SCFD2: variants seen among roughly 807,000 people sequenced by gnomAD.
SCFD2 encodes the protein sec1 family domain containing 2.
SCFD2 carries 54 observed loss-of-function variants against 58.9 expected under a neutral mutation model. The ratio of observed to expected loss-of-function variants is 0.92; its 90% CI spans 0.74 to 1.15. The LOEUF is 1.15. SCFD2 is among the 50% of genes most tolerant of loss of function. The pLI, the probability that SCFD2 is intolerant of heterozygous loss-of-function variation, is 0.00. For missense variants in SCFD2, 805 were observed against 836.6 expected, an observed-to-expected ratio of 0.96 and a Z score of 0.47; for synonymous variants, 321 against 335.9, an observed-to-expected ratio of 0.96 and a Z score of 0.49.
chr4:53,225,738 A>G (rs1042493692), intron 4 of SCFD2, among the ~76,000 whole-genome samples: 3 of 152,236 alleles, frequency 2.0e-5, no homozygotes, highest in African/African-American at 7.2e-5. Context: ...AATGAGGTAG[A>G]TAATTTCTAC....
chr4:53,255,478 A>T (rs1301926948), intron 4 of SCFD2, among the ~76,000 whole-genome samples: 3 of 152,098 alleles, frequency 2.0e-5, no homozygotes, highest in Admixed American at 2.0e-4. Context: ...CCCTTAATCC[A>T]TTTAACCCTG....
At chr4:53,290,412 A>C (rs144924154) in intron 3 of SCFD2, among the ~76,000 whole-genome samples, 1 of 152,306 alleles carries the variant, frequency 6.6e-6, no homozygotes, top group East Asian at 1.9e-4. Flanking sequence ...AAATTTAAAA[A>C]TATCTTGAGA....
At chr4:53,289,238 C>T (rs369467616) in intron 3 of SCFD2, among the ~76,000 whole-genome samples, 125 of 151,952 alleles carry the variant, frequency 8.2e-4, no homozygotes, top group East Asian at 3.3e-3. Context: ...TGGTGGCAGG[C>T]GCCTGTAATC....
At chr4:53,164,755 C>T (rs1332431915) in intron 4 of SCFD2, among the ~76,000 whole-genome samples, 1 of 133,456 alleles carries the variant, frequency 7.5e-6, no homozygotes, top group Admixed American at 8.9e-5. Flanking sequence ...CACGCCATTG[C>T]AGCCTGGGCG....
intron 5 of SCFD2, among the ~76,000 whole-genome samples, chr4:52,953,696 C>A (rs1230750202): frequency 6.6e-6 from 1 of 152,092 alleles, no homozygotes; most frequent in Non-Finnish European, 1.5e-5. Context: ...TGGTAAAATC[C>A]CAGGAGAATT....
chr4:53,238,299 G>GC (rs1179233526), intron 4 of SCFD2, among the ~76,000 whole-genome samples: 626 of 2,108 alleles, frequency 0.3, 15 homozygotes, highest in African/African-American at 0.35. Context: ...AGCTGGCCGG[G>GC]TGGGGGCTGA....
intron 5 of SCFD2, among the ~76,000 whole-genome samples, chr4:53,116,240 G>C (rs1252773701): frequency 1.0e-5 from 1 of 97,204 alleles, no homozygotes; most frequent in Admixed American, 9.4e-5. Flanking sequence ...ACCTCAGTCA[G>C]TTAGTAAAAC....
intron 6 of SCFD2, among the ~76,000 whole-genome samples, chr4:52,918,431 C>T (rs1337517541): frequency 1.3e-5 from 2 of 152,114 alleles, no homozygotes; most frequent in South Asian, 2.1e-4. Context: ...GTGAACAAAA[C>T]CCATAAAAAT....
intron 4 of SCFD2, among the ~76,000 whole-genome samples, chr4:53,263,121 G>GAACATTTTTCACTGAA (rs1291633346): frequency 8.4e-4 from 128 of 151,938 alleles, no homozygotes; most frequent in Admixed American, 2.6e-3. Context: ...TCTTATTTAT[G>GAACATTTTTCACTGAA]CTGTCTATTT....
At chr4:53,328,185 CATGT>C (rs1733276121) in intron 2 of SCFD2, among the ~76,000 whole-genome samples, 1 of 149,004 alleles carries the variant, frequency 6.7e-6, no homozygotes, top group South Asian at 2.2e-4. Context: ...TACATGTGCA[CATGT>C]ATGTGTGTGT....
At chr4:53,155,298 C>T (rs1726642376) in intron 4 of SCFD2, among the ~76,000 whole-genome samples, 1 of 152,096 alleles carries the variant, frequency 6.6e-6, no homozygotes, top group African/African-American at 2.4e-5. Context: ...ATAATTAGGC[C>T]ATAAGGGATC....
chr4:52,992,607 G>A (rs1395960516), intron 5 of SCFD2, among the ~76,000 whole-genome samples: 7 of 150,098 alleles, frequency 4.7e-5, no homozygotes, highest in Admixed American at 6.6e-5. Flanking sequence ...GCCGCCCATC[G>A]TCTGAGATGT....
chr4:53,286,380 AGTAGGTATAT>A (rs1463755281), intron 3 of SCFD2, among the ~76,000 whole-genome samples: 1 of 152,082 alleles, frequency 6.6e-6, no homozygotes, highest in African/African-American at 2.4e-5. Flanking sequence ...AGCCCAGCAG[AGTAGGTATAT>A]GTTCTAACCC....
chr4:53,216,664 TTA>T (rs1728849635), intron 4 of SCFD2, among the ~76,000 whole-genome samples: 1 of 152,226 alleles, frequency 6.6e-6, no homozygotes, highest in Non-Finnish European at 1.5e-5. Context: ...TGCTCTGATC[TTA>T]GTTATTTCTC....
intron 5 of SCFD2, among the ~76,000 whole-genome samples, chr4:53,057,611 A>G (rs1248062107): frequency 1.3e-5 from 2 of 152,124 alleles, no homozygotes; most frequent in Admixed American, 6.6e-5. Context: ...GCAAACCACC[A>G]TGGCACACAT....
At chr4:53,180,645 T>A (rs6824417) in intron 4 of SCFD2, among the ~76,000 whole-genome samples, 13,448 of 152,048 alleles carry the variant, frequency 0.088, 1,001 homozygotes, top group South Asian at 0.21. Context: ...GAGAAATAAC[T>A]AAGATCAGAG....
At chr4:52,994,029 T>C (rs1721685076) in intron 5 of SCFD2, among the ~76,000 whole-genome samples, 1 of 152,228 alleles carries the variant, frequency 6.6e-6, no homozygotes, top group Non-Finnish European at 1.5e-5. Context: ...CAGCTGGGTT[T>C]GGAGCTGCTC....
chr4:53,092,623 T>G (rs1724506607), intron 5 of SCFD2, among the ~76,000 whole-genome samples: 1 of 152,094 alleles, frequency 6.6e-6, no homozygotes, highest in Admixed American at 6.6e-5. Flanking sequence ...ATAAAGGAAC[T>G]GATTGATATA....
chr4:53,307,312 C>T (rs1218100690), intron 3 of SCFD2, among the ~76,000 whole-genome samples: 1 of 152,178 alleles, frequency 6.6e-6, no homozygotes, highest in Non-Finnish European at 1.5e-5. Context: ...CATGCTTAGA[C>T]ATTTGGATAC....
Sources: gnomAD v4.1 joint callset for allele counts (sites outside exome capture counted in the v4.1 genomes callset) on GRCh38, gnomAD v4.1.1 for gene constraint, MANE v1.5 for transcripts, NCBI Gene and HGNC (gene_info 2026-07-23, HGNC 2026-07-21) for gene names.